Variants in PALLD observed in about 807,000 individuals in gnomAD.
PALLD encodes the protein palladin, cytoskeletal associated protein, also known as palladin.
In PALLD, 61 loss-of-function variants were observed where a neutral mutation model predicts 123.5. The observed-to-expected ratio is 0.49, with a 90% CI of 0.40 to 0.61. PALLD has a LOEUF of 0.61. Among genes scored for constraint, PALLD ranks in the 20% least tolerant of loss-of-function variants. The pLI, the probability that PALLD is intolerant of heterozygous loss-of-function variation, is 0.00. For synonymous variants in PALLD, 465 were observed against 496.4 expected, an observed-to-expected ratio of 0.94 and a Z score of 0.84; for missense variants, 1,273 against 1,377.0, an observed-to-expected ratio of 0.92 and a Z score of 1.20.
At chr4:168,802,832 A>G (rs1739551896) in intron 10 of PALLD, among the ~76,000 whole-genome samples, 1 of 152,146 alleles carries the variant, frequency 6.6e-6, no homozygotes, top group African/African-American at 2.4e-5. Context: ...CTGAGATTAC[A>G]GGCATGTGCC....
intron 11 of PALLD, 113 bp downstream of exon 11, chr4:168,891,170 T>C (rs1754101011): frequency 9.2e-7 from 1 of 1,086,562 alleles, no homozygotes; most frequent in Non-Finnish European, 1.4e-6. Context: ...ATTATTATTA[T>C]TATTATTTTT....
At chr4:168,728,879 C>T (rs1164500859) in intron 10 of PALLD, among the ~76,000 whole-genome samples, 1 of 152,076 alleles carries the variant, frequency 6.6e-6, no homozygotes. Flanking sequence ...CCCCAAGGCC[C>T]CAAGGTCCAC....
chr4:168,514,965 T>G (rs866989933), intron 2 of PALLD, among the ~76,000 whole-genome samples: 3 of 152,236 alleles, frequency 2.0e-5, no homozygotes, highest in African/African-American at 7.2e-5. Context: ...GCAGTATTAT[T>G]AACTAGTTTT....
intron 2 of PALLD, among the ~76,000 whole-genome samples, chr4:168,517,251 A>T (rs1320823292): frequency 6.6e-6 from 1 of 152,210 alleles, no homozygotes; most frequent in Admixed American, 6.5e-5. Context: ...TCTTTATATT[A>T]TTAATATAAG....
chr4:168,515,193 A>G (rs750246043), intron 2 of PALLD, among the ~76,000 whole-genome samples: 4 of 152,186 alleles, frequency 2.6e-5, no homozygotes, highest in Non-Finnish European at 4.4e-5. Flanking sequence ...CCTCCTTGTC[A>G]TGTATTTGTA....
chr4:168,861,133 A>T (rs947004344), intron 10 of PALLD, among the ~76,000 whole-genome samples: 1 of 152,226 alleles, frequency 6.6e-6, no homozygotes, highest in African/African-American at 2.4e-5. Context: ...TAAAAATTTT[A>T]ATGTTTTGTT....
chr4:168,783,595 C>T (rs1209643855), intron 10 of PALLD, among the ~76,000 whole-genome samples: 1 of 152,182 alleles, frequency 6.6e-6, no homozygotes, highest in Non-Finnish European at 1.5e-5. Context: ...GGCTGTGCCT[C>T]TTCACCTTCA....
chr4:168,836,157 G>A (rs1218552658), intron 10 of PALLD, among the ~76,000 whole-genome samples: 2 of 152,172 alleles, frequency 1.3e-5, no homozygotes, highest in South Asian at 2.1e-4. Flanking sequence ...TAATGACTAC[G>A]AGGAAACAAG....
chr4:168,694,265 C>A (rs1299809776), intron 8 of PALLD, among the ~76,000 whole-genome samples: 1 of 150,610 alleles, frequency 6.6e-6, no homozygotes. Context: ...TACAATACAT[C>A]TGAGGCAAGA....
chr4:168,785,957 G>A (rs140635825), intron 10 of PALLD, among the ~76,000 whole-genome samples: 306 of 148,966 alleles, frequency 2.1e-3, no homozygotes, highest in African/African-American at 6.4e-3. Context: ...GAGAGAGATA[G>A]GCTTGTGATT....
At chr4:168,817,673 G>T (rs989074354) in intron 10 of PALLD, among the ~76,000 whole-genome samples, 5 of 152,138 alleles carry the variant, frequency 3.3e-5, no homozygotes, top group Non-Finnish European at 7.4e-5. Context: ...CAAAGATTTG[G>T]AAGGAGAATT....
intron 1 of PALLD, among the ~76,000 whole-genome samples, chr4:168,501,521 A>G (rs1761399472): frequency 6.6e-6 from 1 of 152,228 alleles, no homozygotes; most frequent in African/African-American, 2.4e-5. Context: ...AGATGCTTAT[A>G]AGGATATAAG....
In PALLD at chr4:168,779,196, A is replaced by G. The variant is rs372834386; in HGVS notation, c.1964+67273A>G. On this transcript the variant is annotated intron_variant, in intron 10 of 21. Coordinates refer to ENST00000505667, the MANE Select transcript of PALLD (RefSeq NM_001166108.2). ...ATCTATAAGGAGGCATACATTTGTT[A>G]ATGTACTCCTTACTCAACATTACTA... Among the ~76,000 whole-genome samples the G allele has an allele frequency of 2.0e-5, 3 of 152,308 alleles. No individual in the cohort carries two copies. In the East Asian group the frequency reaches 5.8e-4, roughly 29 times the overall value.
In PALLD at chr4:168,770,576, G is replaced by A. The variant is rs145605950; in HGVS notation, c.1964+58653G>A. On this transcript the variant is annotated intron_variant, in intron 10 of 21. Coordinates refer to ENST00000505667, the MANE Select transcript of PALLD (RefSeq NM_001166108.2). ...GTCTGTGGTTTTCATAGAGCATTCA[G>A]ATCTTTTTTGTACTTCTGTCTTTTT... Among the ~76,000 whole-genome samples the A allele has an allele frequency of 7.7e-3, 1,171 of 152,278 alleles. 5 individuals are homozygous for A. The highest frequency in any genetic ancestry group is 0.024 in the Middle Eastern group (7 of 292).
At chr4:168,716,457 C>A (rs1399426901) in intron 10 of PALLD, among the ~76,000 whole-genome samples, 1 of 152,188 alleles carries the variant, frequency 6.6e-6, no homozygotes, top group African/African-American at 2.4e-5. Flanking sequence ...TGCTCTTACC[C>A]CAGTCTCTAA....
At chr4:168,799,107 G>C (rs984459888) in intron 10 of PALLD, among the ~76,000 whole-genome samples, 2 of 152,178 alleles carry the variant, frequency 1.3e-5, no homozygotes, top group Non-Finnish European at 2.9e-5. Context: ...GAAACAGCTG[G>C]ATTGGTTACA....
intron 10 of PALLD, among the ~76,000 whole-genome samples, chr4:168,741,661 A>C (rs2150349540): frequency 6.6e-6 from 1 of 152,196 alleles, no homozygotes; most frequent in South Asian, 2.1e-4. Context: ...TCCAGCCTAG[A>C]CGACAGAGTA....
intron 15 of PALLD, among the ~76,000 whole-genome samples, chr4:168,913,452 A>T (rs1170784793): frequency 1.3e-5 from 2 of 152,072 alleles, no homozygotes; most frequent in South Asian, 4.2e-4. Flanking sequence ...CTAACATTTA[A>T]TTAGTATATT....
intron 1 of PALLD, among the ~76,000 whole-genome samples, chr4:168,498,717 T>G (rs1056191614): frequency 1.4e-4 from 22 of 152,248 alleles, no homozygotes; most frequent in African/African-American, 4.8e-4. Flanking sequence ...TTCTAACTGT[T>G]AAATCATATT....
Sources: gnomAD v4.1 joint callset for allele counts (sites outside exome capture counted in the v4.1 genomes callset) on GRCh38, gnomAD v4.1.1 for gene constraint, MANE v1.5 for transcripts, NCBI Gene and HGNC (gene_info 2026-07-23, HGNC 2026-07-21) for gene names.